Variants in PPFIA2 observed in about 807,000 individuals in gnomAD.
PPFIA2 encodes liprin-alpha-2.
A neutral mutation model predicts 175.5 loss-of-function variants in PPFIA2; 46 were observed. The observed-to-expected ratio is 0.26, with a 90% CI of 0.21 to 0.34. PPFIA2 has a LOEUF of 0.34. PPFIA2 is among the 10% of genes least tolerant of loss of function. The pLI, the probability that PPFIA2 is intolerant of heterozygous loss-of-function variation, is 1.00. For synonymous variants in PPFIA2, 568 were observed against 511.4 expected (o/e 1.11, Z -1.49); for missense variants, 1,179 against 1,506.1 (o/e 0.78, Z 3.60).
intron 4 of PPFIA2, among the ~76,000 whole-genome samples, chr12:81,632,555 A>C (rs1390870111): frequency 6.6e-6 from 1 of 152,164 alleles, no homozygotes; most frequent in East Asian, 1.9e-4. Context: ...GTTTGAATGA[A>C]GGAAAAACTC....
At chr12:81,556,825 T>C (rs1422184598) in intron 4 of PPFIA2, among the ~76,000 whole-genome samples, 4 of 151,938 alleles carry the variant, frequency 2.6e-5, no homozygotes, top group African/African-American at 9.7e-5. Flanking sequence ...ATCAATCTAA[T>C]AGAAGCTAAA....
At position 81,439,975 on chromosome 12, in the gene PPFIA2, C is replaced by T; in HGVS notation, c.642G>A (p.Gln214=). 1.2e-6 allele frequency: 2 copies of T among 1,608,080 alleles called. No individual in the cohort carries two copies. The highest frequency in any genetic ancestry group is 2.2e-5 in the South Asian group (2 of 89,972). ...AGGAGAAAGTGTGGCAGGTTACCTC[C>T]TGATTAGCAGCAGCTAGTTCTTCTT... ...ALEEELAAAN[Q]EIVALREQNV... Residue 214 remains glutamine, a synonymous_variant, in exon 7 of 33, where the codon CAG becomes CAA. Coordinates refer to ENST00000549396, the MANE Select transcript of PPFIA2 (RefSeq NM_003625.5).
intron 8 of PPFIA2, among the ~76,000 whole-genome samples, chr12:81,401,390 C>T (rs1255774529): frequency 1.1e-4 from 17 of 152,102 alleles, no homozygotes; most frequent in East Asian, 3.9e-4. Context: ...TCAGAGTCAG[C>T]GGTGTTAAGG....
At chr12:81,489,107 A>C (rs2059157317) in intron 4 of PPFIA2, among the ~76,000 whole-genome samples, 3 of 151,866 alleles carry the variant, frequency 2.0e-5, no homozygotes, top group African/African-American at 7.2e-5. Flanking sequence ...GAGATACAAA[A>C]ATAATAAACT....
chr12:81,596,591 C>T (rs1462617191), intron 4 of PPFIA2, among the ~76,000 whole-genome samples: 1 of 151,984 alleles, frequency 6.6e-6, no homozygotes, highest in Non-Finnish European at 1.5e-5. Flanking sequence ...TGTAAAAAGC[C>T]TCTGTCATGA....
intron 7 of PPFIA2, among the ~76,000 whole-genome samples, chr12:81,416,954 A>G (rs1370697131): frequency 6.6e-6 from 1 of 151,794 alleles, no homozygotes; most frequent in Admixed American, 6.6e-5. Context: ...CAAAAGTCTC[A>G]ATAAATATTT....
chr12:81,486,861 A>G (rs1041229100), intron 4 of PPFIA2, among the ~76,000 whole-genome samples: 1 of 151,938 alleles, frequency 6.6e-6, no homozygotes, highest in African/African-American at 2.4e-5. Flanking sequence ...GAGGAAATAA[A>G]AATGAAACTA....
chr12:81,498,319 G>A (rs534228474), intron 4 of PPFIA2, among the ~76,000 whole-genome samples: 2 of 152,180 alleles, frequency 1.3e-5, no homozygotes, highest in African/African-American at 2.4e-5. Context: ...CTCTGTTCCA[G>A]GATCCAATTC....
chr12:81,347,453 A>G (rs1355279630), intron 18 of PPFIA2, 80 bp downstream of exon 18: 1 of 1,216,400 alleles, frequency 8.2e-7, no homozygotes, highest in Non-Finnish European at 1.2e-6. Context: ...CTTAGACTAG[A>G]ACAAACACCC....
At chr12:81,304,409 G>A (rs137997807) in intron 22 of PPFIA2, among the ~76,000 whole-genome samples, 68 of 152,294 alleles carry the variant, frequency 4.5e-4, no homozygotes, top group African/African-American at 1.6e-3. Context: ...TTCCAGTGAG[G>A]AAGGAAGATT....
intron 24 of PPFIA2, among the ~76,000 whole-genome samples, chr12:81,293,167 G>C (rs2045499934): frequency 1.3e-5 from 2 of 151,520 alleles, no homozygotes; most frequent in Admixed American, 6.6e-5. Context: ...ATTTTATTAT[G>C]CTATATAAGA....
intron 7 of PPFIA2, among the ~76,000 whole-genome samples, chr12:81,407,351 T>C (rs2142979265): frequency 6.6e-6 from 1 of 151,804 alleles, no homozygotes; most frequent in Admixed American, 6.6e-5. Flanking sequence ...GGCGTGATGG[T>C]GGGCGCCTGT....
chr12:81,679,110 T>C (rs545301067), intron 3 of PPFIA2, among the ~76,000 whole-genome samples: 1 of 152,020 alleles, frequency 6.6e-6, no homozygotes, highest in South Asian at 2.1e-4. Context: ...AACTTAAAAT[T>C]GTCTTAAAAT....
chr12:81,742,028 C>A (rs2082386324), intron 3 of PPFIA2, among the ~76,000 whole-genome samples: 1 of 152,064 alleles, frequency 6.6e-6, no homozygotes, highest in Non-Finnish European at 1.5e-5. Context: ...GCCTAGAGAG[C>A]AGCCGCAGCA....
chr12:81,582,972 C>T (rs1240841389), intron 4 of PPFIA2, among the ~76,000 whole-genome samples: 1 of 151,770 alleles, frequency 6.6e-6, no homozygotes, highest in African/African-American at 2.4e-5. Flanking sequence ...TTCCTATGTT[C>T]ATTACCTAAA....
chr12:81,602,108 A>G (rs1451189634), intron 4 of PPFIA2, among the ~76,000 whole-genome samples: 3 of 151,888 alleles, frequency 2.0e-5, no homozygotes, highest in Admixed American at 2.0e-4. Context: ...TACACTTAAA[A>G]TATTTTTCTT....
chr12:81,374,926 T>C (rs2036013951), intron 10 of PPFIA2, among the ~76,000 whole-genome samples, 158 bp from the exon 11 acceptor site: 1 of 152,204 alleles, frequency 6.6e-6, no homozygotes, highest in Admixed American at 6.6e-5. Context: ...TGTTATCATA[T>C]ATTGCTTATC....
chr12:81,589,376 C>T (rs2058410171), intron 4 of PPFIA2, among the ~76,000 whole-genome samples: 1 of 151,830 alleles, frequency 6.6e-6, no homozygotes, highest in South Asian at 2.1e-4. Flanking sequence ...CTTGAGTTGC[C>T]CTTTATATCT....
chr12:81,418,589 T>C (rs182732732), intron 7 of PPFIA2, among the ~76,000 whole-genome samples: 8 of 152,076 alleles, frequency 5.3e-5, no homozygotes, highest in Admixed American at 5.2e-4. Flanking sequence ...CACTCCACAA[T>C]GGTAGAGAAG....
Sources: gnomAD v4.1 joint callset for allele counts (sites outside exome capture counted in the v4.1 genomes callset) on GRCh38, gnomAD v4.1.1 for gene constraint, MANE v1.5 for transcripts, NCBI Gene and HGNC (gene_info 2026-07-23, HGNC 2026-07-21) for gene names.